UVRAG: variants seen among roughly 807,000 people sequenced by gnomAD.
UVRAG encodes UV radiation resistance-associated gene protein.
A neutral mutation model predicts 78.0 loss-of-function variants in UVRAG; 19 were observed. That is an observed-to-expected ratio of 0.24 (90% CI 0.17 to 0.36). The LOEUF is 0.36. Among genes scored for constraint, UVRAG ranks in the 10% least tolerant of loss-of-function variants. The pLI, the probability that UVRAG is intolerant of heterozygous loss-of-function variation, is 1.00. For missense variants in UVRAG, 740 were observed against 853.8 expected (o/e 0.87, Z 1.66); for synonymous variants, 323 against 324.6 (o/e 1.00, Z 0.05).
intron 1 of UVRAG, among the ~76,000 whole-genome samples, chr11:75,816,983 A>G (rs966225867): frequency 3.9e-4 from 60 of 152,314 alleles, no homozygotes; most frequent in African/African-American, 1.4e-3. Context: ...AAGAGGATTG[A>G]AAAGATACCA....
intron 13 of UVRAG, among the ~76,000 whole-genome samples, chr11:76,093,499 G>C (rs976112736): frequency 6.6e-6 from 1 of 152,146 alleles, no homozygotes; most frequent in Non-Finnish European, 1.5e-5. Flanking sequence ...AGCATGGAAT[G>C]TTCTTCCATT....
chr11:76,052,762 G>A (rs1328663996), intron 12 of UVRAG, among the ~76,000 whole-genome samples: 2 of 151,662 alleles, frequency 1.3e-5, no homozygotes, highest in Admixed American at 6.6e-5. Context: ...CCCATCCTTC[G>A]TTCATATTCT....
intron 4 of UVRAG, among the ~76,000 whole-genome samples, chr11:75,881,509 G>T (rs1946944201): frequency 6.6e-6 from 1 of 152,214 alleles, no homozygotes; most frequent in South Asian, 2.1e-4. Flanking sequence ...GAGCAGAGGG[G>T]TGACTTTGAA....
chr11:76,088,163 G>A (rs1341021026), intron 13 of UVRAG, among the ~76,000 whole-genome samples: 1 of 152,096 alleles, frequency 6.6e-6, no homozygotes, highest in African/African-American at 2.4e-5. Flanking sequence ...TTACAGGCAT[G>A]AGCCACCACA....
Position 76,016,864 on chromosome 11 carries a change from G to A in UVRAG, c.1110G>A (p.Leu370=). 6.2e-7 allele frequency: 1 copy of A among 1,612,154 alleles called. No homozygotes were observed. The highest frequency in any genetic ancestry group is 8.5e-7 in the Non-Finnish European group (1 of 1,178,788). Residue 370 remains leucine, a synonymous_variant, in exon 12 of 15, where the codon CTG becomes CTA. Transcript: ENST00000356136. ...IAVALGYTAH[L]VSMISFFLQV... ...TTGCCCTTGGTTATACTGCACATCT[G>A]GTCTCCATGATTTCCTTTTTCCTAC... is the stretch of plus-strand genomic sequence containing the variant.
chr11:75,913,819 A>G (rs985414892), intron 6 of UVRAG, among the ~76,000 whole-genome samples: 1 of 152,194 alleles, frequency 6.6e-6, no homozygotes, highest in African/African-American at 2.4e-5. Flanking sequence ...AGAAAACACA[A>G]TGCCCTACAT....
rs549624116 is a variant in UVRAG at position 75,977,581 on chromosome 11, A to G, written c.700-5806A>G. ...TGTATTGGGTGCATATATATTTAGG[A>G]TAGTTAGCTCTTCTAGTTGAATTGA... is the stretch of plus-strand genomic sequence containing the variant. On this transcript the variant is annotated intron_variant, in intron 7 of 14. Transcript: ENST00000356136. Among the ~76,000 whole-genome samples the G allele has an allele frequency of 6.6e-5, 10 of 152,254 alleles. No homozygotes were observed. The South Asian group carries it at 1.5e-3, about 22-fold the overall frequency.
chr11:75,972,794 TG>T (rs1312852481), intron 7 of UVRAG, among the ~76,000 whole-genome samples: 1 of 152,258 alleles, frequency 6.6e-6, no homozygotes, highest in Non-Finnish European at 1.5e-5. Context: ...CAAAATAATT[TG>T]ATGGATAATT....
rs140217190 is a variant in UVRAG, at chr11:75,920,008, G to GTTTTTTTTTTTT, written c.593+7993_593+8004dup. On this transcript the variant is annotated intron_variant, in intron 6 of 14. Coordinates refer to ENST00000356136, the MANE Select transcript of UVRAG (RefSeq NM_003369.4). ...CAAAATTTAAAATAAAATAATTTTG[G>GTTTTTTTTTTTT]TTTTTTTTTTTTTTTTTTTTTTTTT... Among the ~76,000 whole-genome samples, 16 of 55,492 alleles carry GTTTTTTTTTTTT rather than the reference G, an allele frequency of 2.9e-4. 2 individuals are homozygous for GTTTTTTTTTTTT. Among genetic ancestry groups the GTTTTTTTTTTTT allele is most frequent in the East Asian group, 1.9e-3 (3 of 1,576 alleles). The allele number at this position is 55,492 out of a possible 152,430, so 36.4% of individuals were successfully genotyped here. A position where few individuals can be genotyped will look rare whatever the true frequency, so the allele number is the denominator to read the frequency against.
rs1228464702 is a variant in UVRAG at position 75,845,740 on chromosome 11, T to C, written c.118-6143T>C. Among the ~76,000 whole-genome samples the C allele has an allele frequency of 3.9e-5, 6 of 152,148 alleles. 1 individual carries two copies. Among genetic ancestry groups the C allele is most frequent in the Admixed American group, 2.6e-4 (4 of 15,260 alleles). On this transcript the variant is annotated intron_variant, in intron 1 of 14. Transcript: ENST00000356136. ...GGGAAGAGGGTGAGGATTTAAAAAC[T>C]AGCTATTGGGCATTATGCTGATTAC...
At chr11:76,075,588 G>A (rs1282132420) in intron 13 of UVRAG, among the ~76,000 whole-genome samples, 1 of 151,648 alleles carries the variant, frequency 6.6e-6, no homozygotes, top group Non-Finnish European at 1.5e-5. Context: ...CTCCAGCCTA[G>A]GCAATAGAAC....
intron 1 of UVRAG, among the ~76,000 whole-genome samples, chr11:75,826,592 G>A (rs943264600): frequency 3.9e-5 from 6 of 151,976 alleles, no homozygotes; most frequent in African/African-American, 1.2e-4. Context: ...ACCCTCCCAC[G>A]TCCCTTTTAT....
intron 8 of UVRAG, among the ~76,000 whole-genome samples, chr11:75,998,688 T>C (rs1949753081): frequency 6.6e-6 from 1 of 152,192 alleles, no homozygotes; most frequent in Non-Finnish European, 1.5e-5. Context: ...TGGGGGCTGC[T>C]GTGTAATAAG....
intron 9 of UVRAG, among the ~76,000 whole-genome samples, chr11:76,005,321 C>T (rs561809802): frequency 1.3e-5 from 2 of 151,762 alleles, no homozygotes; most frequent in South Asian, 2.1e-4. Context: ...CCAGTCTGGG[C>T]GACAGAGCGA....
At chr11:75,922,251 C>A (rs1045173624) in intron 6 of UVRAG, among the ~76,000 whole-genome samples, 1 of 151,900 alleles carries the variant, frequency 6.6e-6, no homozygotes, top group East Asian at 1.9e-4. Flanking sequence ...TTTATATGGT[C>A]ATTTGGCTTT....
At chr11:75,847,742 G>T (rs542865225) in intron 1 of UVRAG, among the ~76,000 whole-genome samples, 1 of 152,022 alleles carries the variant, frequency 6.6e-6, no homozygotes. Flanking sequence ...GGAGGCTGAG[G>T]TGGGCGGATC....
intron 12 of UVRAG, among the ~76,000 whole-genome samples, chr11:76,029,383 A>G (rs1357307617): frequency 6.6e-6 from 1 of 152,138 alleles, no homozygotes; most frequent in Non-Finnish European, 1.5e-5. Flanking sequence ...ATTTCATAAG[A>G]CTGTAGCTGC....
intron 13 of UVRAG, among the ~76,000 whole-genome samples, chr11:76,088,483 C>T (rs1198286230): frequency 2.0e-5 from 3 of 148,630 alleles, no homozygotes; most frequent in Admixed American, 6.7e-5. Flanking sequence ...CCCCCACTTC[C>T]GCCCACCCGC....
At chr11:76,016,770 TA>T in intron 11 of UVRAG, 44 bp from the exon 12 acceptor site, 6 of 1,463,054 alleles carry the variant, frequency 4.1e-6, no homozygotes, top group Non-Finnish European at 4.6e-6. Flanking sequence ...TGGTTATTTA[TA>T]AGGTAAATAG....
Sources: gnomAD v4.1 joint callset for allele counts (sites outside exome capture counted in the v4.1 genomes callset) on GRCh38, gnomAD v4.1.1 for gene constraint, MANE v1.5 for transcripts, NCBI Gene and HGNC (gene_info 2026-07-23, HGNC 2026-07-21) for gene names.